ZSCAN1: variants seen among roughly 807,000 people sequenced by gnomAD.
The protein encoded by ZSCAN1 is zinc finger and SCAN domain containing 1, also known as zinc finger and SCAN domain-containing protein 1.
Under a neutral mutation model 23.8 loss-of-function variants are expected in ZSCAN1, and 23 were observed. The observed-to-expected ratio is 0.97, with a 90% CI of 0.70 to 1.37. The LOEUF (loss-of-function observed/expected upper bound fraction) is 1.37, where lower values mean the gene tolerates loss of function less well. Ranked by LOEUF, ZSCAN1 falls within the 40% of genes most tolerant of loss-of-function variation. ZSCAN1 has a pLI of 0.00. For missense variants in ZSCAN1, 575 were observed against 554.0 expected, an observed-to-expected ratio of 1.04 and a Z score of -0.38; for synonymous variants, 236 against 232.3, an observed-to-expected ratio of 1.02 and a Z score of -0.15.
In ZSCAN1 at chr19:58,045,678, C is replaced by G. The variant is rs912134107; in HGVS notation, c.465+5134C>G. On this transcript the variant is annotated intron_variant, in intron 4 of 5. Transcript: ENST00000282326. This position sits in a 1 kb window ranked among gnomAD's most constrained non-coding sequence, Gnocchi z 4.3. Reference sequence around the variant, plus strand: ...CTGAGGAAGGGGTGGACAGCCTGAACGTCAAGGAGCTGCAGGCGGCATGTC... The same window carrying G: ...CTGAGGAAGGGGTGGACAGCCTGAAGGTCAAGGAGCTGCAGGCGGCATGTC... 1 of 922,114 alleles carries G rather than the reference C, an allele frequency of 1.1e-6. No individual in the cohort carries two copies. Among genetic ancestry groups the G allele is most frequent in the South Asian group, 1.3e-5 (1 of 76,302 alleles). The allele number at this position is 922,114 out of a possible 1,614,324, so 57.1% of individuals were successfully genotyped here. A position where few individuals can be genotyped will look rare whatever the true frequency, so the allele number is the denominator to read the frequency against.
intron 4 of ZSCAN1, among the ~76,000 whole-genome samples, chr19:58,042,509 C>T (rs1260251948): frequency 1.3e-5 from 2 of 152,142 alleles, no homozygotes; most frequent in Admixed American, 1.3e-4. Context: ...CCACCCGCCT[C>T]GGCCTCCTGA....
chr19:58,039,770 CAAAAAAA>C (rs67254346), intron 3 of ZSCAN1, among the ~76,000 whole-genome samples: 944 of 83,284 alleles, frequency 0.011, 13 homozygotes, highest in African/African-American at 0.042. Context: ...GACTCCGTCT[CAAAAAAA>C]AAAAAAAAAA....
intron 4 of ZSCAN1, among the ~76,000 whole-genome samples, chr19:58,050,234 G>C (rs536444800): frequency 6.6e-6 from 1 of 152,002 alleles, no homozygotes; most frequent in South Asian, 2.1e-4. Flanking sequence ...CAGGAGTTCA[G>C]GACCAGGCTG....
chr19:58,037,670 C>A, intron 2 of ZSCAN1, 58 bp from the exon 3 acceptor site: 1 of 860,620 alleles, frequency 1.2e-6, no homozygotes, highest in Non-Finnish European at 1.7e-6. Flanking sequence ...CGAGGGGCAT[C>A]CTGAGTACAG....
intron 4 of ZSCAN1, 118 bp from the exon 5 acceptor site, chr19:58,052,372 C>G: frequency 6.6e-7 from 1 of 1,514,302 alleles, no homozygotes; most frequent in Non-Finnish European, 9.0e-7. Context: ...CGCGACACCG[C>G]GCACTGCCCT....
At chr19:58,044,156 C>T (rs1271719935) in intron 4 of ZSCAN1, among the ~76,000 whole-genome samples, 2 of 151,858 alleles carry the variant, frequency 1.3e-5, no homozygotes, top group Admixed American at 1.3e-4. Flanking sequence ...CCTGTAAGTC[C>T]AGCTACTCCG....
chr19:58,043,228 C>G (rs1177070782), intron 4 of ZSCAN1, among the ~76,000 whole-genome samples: 2 of 152,254 alleles, frequency 1.3e-5, no homozygotes, highest in African/African-American at 4.8e-5. Context: ...CGCCTACCAT[C>G]GGAAGCCTTT....
rs1377970498 is a variant in ZSCAN1 at position 58,047,601 on chromosome 19, G to C, written c.466-4889G>C. Among the ~76,000 whole-genome samples, 2 of 152,232 alleles carry C rather than the reference G, an allele frequency of 1.3e-5. No homozygotes were observed. The highest frequency in any genetic ancestry group is 4.8e-5 in the African/African-American group (2 of 41,468). ...GATTTACTGTGTCAGGGATGAGCCT[G>C]GCTCGGGTTGGTGGGGCTCTGAAGC... On this transcript the variant is annotated intron_variant, in intron 4 of 5. Transcript: ENST00000282326. This position sits in a 1 kb window ranked among gnomAD's most constrained non-coding sequence, Gnocchi z 4.9.
Position 58,053,883 on chromosome 19 carries a change from G to A in ZSCAN1, c.1059G>A (p.Arg353=), listed in dbSNP as rs765157294. Residue 353 remains arginine (R), a synonymous_variant, in exon 6 of 6, where the codon CGG becomes CGA. Transcript: ENST00000282326. This position sits in a 1 kb window ranked among gnomAD's most constrained non-coding sequence, Gnocchi z 5.8. ...LLEPPRKKAP[R]SKGPRESVPP... is the part of the protein sequence containing the mutation. ...AGCCACCGAGGAAGAAAGCCCCCCG[G>A]AGCAAGGGCCCCCGGGAGTCCGTCC... 4 of 1,613,644 alleles carry A rather than the reference G, an allele frequency of 2.5e-6. No individual in the cohort carries two copies. The highest frequency in any genetic ancestry group is 2.2e-5 in the East Asian group (1 of 44,858).
downstream of ZSCAN1, among the ~76,000 whole-genome samples, chr19:58,055,471 T>A (rs937038628): frequency 2.6e-5 from 4 of 152,228 alleles, no homozygotes; most frequent in Admixed American, 6.5e-5. Context: ...CTCTATCCTA[T>A]GCCTTAATTG....
chr19:58,045,298 C>T lies in ZSCAN1; in HGVS notation c.465+4754C>T. On this transcript the variant is annotated intron_variant, in intron 4 of 5. Coordinates refer to ENST00000282326, the MANE Select transcript of ZSCAN1 (RefSeq NM_182572.4). This position sits in a 1 kb window ranked among gnomAD's most constrained non-coding sequence, Gnocchi z 4.3. Reference sequence around the variant, plus strand: ...AAACTCTTCCCCAACATGTTGCCATCCACATCCGAGACTCAGTCCATCAAG... The same window carrying T: ...AAACTCTTCCCCAACATGTTGCCATTCACATCCGAGACTCAGTCCATCAAG... 1.3e-6 allele frequency: 1 copy of T among 791,710 alleles called. No homozygotes were observed. The allele number at this position is 791,710 out of a possible 1,614,324, so 49.0% of individuals were successfully genotyped here. A position where few individuals can be genotyped will look rare whatever the true frequency, so the allele number is the denominator to read the frequency against.
intron 1 of ZSCAN1, chr19:58,035,589 G>A (rs2073729000): frequency 6.6e-6 from 1 of 152,200 alleles, no homozygotes; most frequent in Non-Finnish European, 1.5e-5. Context: ...TTCAAAATAG[G>A]CCCTTTTTTC....
In ZSCAN1 at chr19:58,053,489, CA is replaced by C; in HGVS notation, c.666del (p.Ser225ProfsTer10). 1 of 1,614,074 alleles carries C rather than the reference CA, an allele frequency of 6.2e-7. No homozygotes were observed. Among genetic ancestry groups the C allele is most frequent in the Non-Finnish European group, 8.5e-7 (1 of 1,179,976 alleles). ...SIWDEPEDLL[A>X]GPSSDLRAEG... is the part of the protein sequence containing the mutation. ...TGGGACGAGCCTGAGGACCTTCTCG[CA>C]GGGCCCTCCTCAGACCTGCGGGCAG... On this transcript the variant is annotated frameshift_variant, in exon 6 of 6. Transcript: ENST00000282326. LOFTEE classifies it low-confidence loss of function (END_TRUNC). This position sits in a 1 kb window ranked among gnomAD's most constrained non-coding sequence, Gnocchi z 5.8.
In ZSCAN1 at chr19:58,040,363, G is replaced by A. The variant is rs963242590; in HGVS notation, c.371-87G>A. ...CTCAGGGGTGCTGCAGGGATGTTCG[G>A]GGAAAGTCTGCCCTCCCCAGAAGGC... On this transcript the variant is annotated intron_variant, in intron 3 of 5. Transcript: ENST00000282326. The surrounding 1 kb of genome is among the most constrained non-coding windows in gnomAD (Gnocchi z 5.8). 1 of 1,419,140 alleles carries A rather than the reference G, an allele frequency of 7.0e-7. No individual in the cohort carries two copies. The highest frequency in any genetic ancestry group is 1.4e-5 in the African/African-American group (1 of 70,926). The allele number at this position is 1,419,140 out of a possible 1,614,324, so 87.9% of individuals were successfully genotyped here. A position where few individuals can be genotyped will look rare whatever the true frequency, so the allele number is the denominator to read the frequency against.
chr19:58,042,037 G>A (rs2073792693), intron 4 of ZSCAN1, among the ~76,000 whole-genome samples: 1 of 152,184 alleles, frequency 6.6e-6, no homozygotes, highest in Admixed American at 6.5e-5. Flanking sequence ...AGAGGAACAG[G>A]CTATGACCTA....
chr19:58,034,415 G>T (rs1230936783), intron 1 of ZSCAN1, among the ~76,000 whole-genome samples: 4 of 151,774 alleles, frequency 2.6e-5, no homozygotes, highest in African/African-American at 9.7e-5. Context: ...GGACTGGGGG[G>T]GCTGGGGCCG....
At chr19:58,038,652 C>G (rs774143944) in intron 3 of ZSCAN1, among the ~76,000 whole-genome samples, 127 of 152,322 alleles carry the variant, frequency 8.3e-4, no homozygotes, top group Middle Eastern at 3.4e-3. Context: ...ACTCTGGGAG[C>G]TGGGAAATTT....
Position 58,053,911 on chromosome 19 carries a change from C to T in ZSCAN1, c.1087C>T (p.Pro363Ser). 6.2e-7 allele frequency: 1 copy of T among 1,613,218 alleles called. No homozygotes were observed. The highest frequency in any genetic ancestry group is 8.5e-7 in the Non-Finnish European group (1 of 1,179,398). Residue 363 changes from proline to serine, a missense_variant, in exon 6 of 6, where the codon CCC (proline) becomes TCC (serine). Coordinates refer to ENST00000282326, the MANE Select transcript of ZSCAN1 (RefSeq NM_182572.4). This position sits in a 1 kb window ranked among gnomAD's most constrained non-coding sequence, Gnocchi z 5.8. ...RSKGPRESVP[P>S]RDGAQGPVAP... ...CAAGGGCCCCCGGGAGTCCGTCCCA[C>T]CCAGGGATGGAGCCCAGGGCCCAGT...
chr19:58,038,415 C>T (rs1260143314), intron 3 of ZSCAN1: 16 of 665,210 alleles, frequency 2.4e-5, no homozygotes, highest in Non-Finnish European at 3.5e-5. Context: ...CTCACTCAGT[C>T]GGTGATTAAA....
Sources: allele counts gnomAD v4.1 joint callset (sites outside exome capture counted in the v4.1 genomes callset), GRCh38; gene constraint gnomAD v4.1.1; non-coding constraint Gnocchi (gnomAD v3.1); transcripts MANE v1.5; gene names NCBI Gene and HGNC (gene_info 2026-07-23, HGNC 2026-07-21).